The following PTPDC1 variants were observed in gnomAD, a reference collection of about 807,000 sequenced individuals.
The protein encoded by PTPDC1 is protein tyrosine phosphatase domain-containing protein 1.
Under a neutral mutation model 75.3 loss-of-function variants are expected in PTPDC1, and 53 were observed. That is an observed-to-expected ratio of 0.70 (90% confidence interval 0.56 to 0.88). The LOEUF is 0.88. Ranked by LOEUF, PTPDC1 falls within the 40% of genes least tolerant of loss-of-function variation. PTPDC1 has a pLI of 0.00. For synonymous variants in PTPDC1, 349 were observed against 366.2 expected (o/e 0.95, Z 0.54); for missense variants, 925 against 998.6 (o/e 0.93, Z 0.99).
intron 8 of PTPDC1, among the ~76,000 whole-genome samples, chr9:94,105,043 C>T (rs1162614212): frequency 6.6e-6 from 1 of 152,154 alleles, no homozygotes; most frequent in East Asian, 1.9e-4. Context: ...AAACAAAGAA[C>T]CCAGCTTTTG....
At chr9:94,087,105 C>G (rs545715949) in intron 2 of PTPDC1, among the ~76,000 whole-genome samples, 1 of 152,296 alleles carries the variant, frequency 6.6e-6, no homozygotes, top group East Asian at 1.9e-4. Context: ...TAAGTCACTA[C>G]CCATTGAGTA....
At chr9:94,040,439 A>G (rs899935332) in intron 1 of PTPDC1, among the ~76,000 whole-genome samples, 6 of 152,198 alleles carry the variant, frequency 3.9e-5, no homozygotes, top group African/African-American at 1.4e-4. Flanking sequence ...CACCCTGTGT[A>G]TAAACCACAG....
At chr9:94,070,947 G>A (rs577710604) in intron 2 of PTPDC1, among the ~76,000 whole-genome samples, 1 of 152,226 alleles carries the variant, frequency 6.6e-6, no homozygotes, top group Admixed American at 6.5e-5. Context: ...CCAGTTTGGG[G>A]CTATTATGAA....
At chr9:94,092,139 T>G (rs1827348552) in intron 4 of PTPDC1, among the ~76,000 whole-genome samples, 1 of 151,768 alleles carries the variant, frequency 6.6e-6, no homozygotes, top group Non-Finnish European at 1.5e-5. Context: ...TTGAATGTGT[T>G]TGCTCCTGCT....
At chr9:94,036,224 T>C (rs1390628897) in intron 1 of PTPDC1, among the ~76,000 whole-genome samples, 1 of 152,064 alleles carries the variant, frequency 6.6e-6, no homozygotes, top group Non-Finnish European at 1.5e-5. Flanking sequence ...TTTTGTTGAC[T>C]GCTTTTAGTG....
intron 1 of PTPDC1, among the ~76,000 whole-genome samples, chr9:94,039,182 G>A (rs529080539): frequency 1.3e-5 from 2 of 152,018 alleles, no homozygotes; most frequent in Non-Finnish European, 2.9e-5. Context: ...GTGATCATAA[G>A]ACTTAAAATA....
intron 5 of PTPDC1, among the ~76,000 whole-genome samples, chr9:94,095,756 C>T (rs1196639718): frequency 2.0e-5 from 3 of 152,108 alleles, no homozygotes; most frequent in Non-Finnish European, 2.9e-5. Context: ...TGTATTAAAA[C>T]ATCACTATAT....
chr9:94,063,645 A>G (rs1265510519), intron 1 of PTPDC1, among the ~76,000 whole-genome samples: 6 of 152,180 alleles, frequency 3.9e-5, no homozygotes, highest in Non-Finnish European at 1.5e-5. Context: ...TTGAGCGTAT[A>G]AAGATTGCTT....
chr9:94,053,716 GA>G (rs1456773375), intron 1 of PTPDC1, among the ~76,000 whole-genome samples: 1 of 152,150 alleles, frequency 6.6e-6, no homozygotes, highest in East Asian at 1.9e-4. Context: ...CTGCTGAGAA[GA>G]AAACAAATCC....
intron 8 of PTPDC1, among the ~76,000 whole-genome samples, chr9:94,107,511 C>T (rs1366785154): frequency 6.6e-6 from 1 of 152,212 alleles, no homozygotes; most frequent in South Asian, 2.1e-4. Context: ...AAACTTTTCT[C>T]TTATACCATC....
intron 1 of PTPDC1, among the ~76,000 whole-genome samples, chr9:94,046,802 T>C (rs1353904146): frequency 6.6e-6 from 1 of 152,188 alleles, no homozygotes. Context: ...CAGGGACAAT[T>C]TGACTTCCTC....
intron 1 of PTPDC1, among the ~76,000 whole-genome samples, chr9:94,049,560 G>C (rs1825722641): frequency 6.6e-6 from 1 of 152,192 alleles, no homozygotes; most frequent in Admixed American, 6.5e-5. Flanking sequence ...CTTCTGGCTT[G>C]TAGAGTTTCT....
chr9:94,072,861 T>C (rs1826560454), intron 2 of PTPDC1, among the ~76,000 whole-genome samples: 3 of 152,228 alleles, frequency 2.0e-5, no homozygotes, highest in Admixed American at 6.5e-5. Flanking sequence ...CCTGTACCTA[T>C]AATAAATTTC....
intron 1 of PTPDC1, among the ~76,000 whole-genome samples, chr9:94,032,079 G>T (rs1587830040): frequency 6.6e-6 from 1 of 152,282 alleles, no homozygotes; most frequent in South Asian, 2.1e-4. Context: ...CAGAGGGTTT[G>T]GGTGACGTGT....
intron 1 of PTPDC1, among the ~76,000 whole-genome samples, chr9:94,047,756 A>T (rs1165839242): frequency 6.6e-6 from 1 of 152,188 alleles, no homozygotes; most frequent in Admixed American, 6.5e-5. Flanking sequence ...ATCCCACAGA[A>T]ATACAAACTA....
intron 1 of PTPDC1, among the ~76,000 whole-genome samples, chr9:94,050,505 A>G (rs1048872670): frequency 3.3e-5 from 5 of 152,236 alleles, no homozygotes; most frequent in African/African-American, 1.2e-4. Context: ...CCTGGATATC[A>G]GCAGTGGAGG....
chr9:94,107,205 C>T (rs1828052861), intron 8 of PTPDC1, among the ~76,000 whole-genome samples: 1 of 152,190 alleles, frequency 6.6e-6, no homozygotes, highest in Non-Finnish European at 1.5e-5. Context: ...TCTCCCACCT[C>T]GGCCTCCTAA....
intron 1 of PTPDC1, among the ~76,000 whole-genome samples, chr9:94,052,517 T>A (rs1587849716): frequency 6.6e-6 from 1 of 152,248 alleles, no homozygotes; most frequent in East Asian, 1.9e-4. Flanking sequence ...TTTTTCTGCC[T>A]GCTTAATCAG....
At chr9:94,033,098 G>A (rs908802078) in intron 1 of PTPDC1, among the ~76,000 whole-genome samples, 4 of 151,822 alleles carry the variant, frequency 2.6e-5, no homozygotes, top group Admixed American at 2.0e-4. Context: ...CTGGGCTCAA[G>A]TAATCTCCCG....
Sources: allele counts gnomAD v4.1 joint callset (sites outside exome capture counted in the v4.1 genomes callset), GRCh38; gene constraint gnomAD v4.1.1; transcripts MANE v1.5; gene names NCBI Gene and HGNC (gene_info 2026-07-23, HGNC 2026-07-21).